The following RUNX1T1 variants were observed in gnomAD, a reference collection of about 807,000 sequenced individuals.
The protein encoded by RUNX1T1 is protein CBFA2T1.
In RUNX1T1, 4 loss-of-function variants were observed where a neutral mutation model predicts 62.8. The ratio of observed to expected loss-of-function variants is 0.06; its 90% CI spans 0.03 to 0.15. The LOEUF (loss-of-function observed/expected upper bound fraction) is 0.15. Among genes scored for constraint, RUNX1T1 ranks in the 10% least tolerant of loss-of-function variants. The pLI is 1.00. For synonymous variants in RUNX1T1, 291 were observed against 286.0 expected (o/e 1.02, Z -0.18); for missense variants, 508 against 754.3 (o/e 0.67, Z 3.82).
downstream of RUNX1T1, chr8:91,956,692 AC>A: frequency 8.9e-6 from 2 of 225,058 alleles, no homozygotes; most frequent in Non-Finnish European, 8.8e-6. Context: ...CCTAGACCCC[AC>A]CCCCCAGTGT....
chr8:92,013,079 T>C (rs1586995655), intron 3 of RUNX1T1, among the ~76,000 whole-genome samples: 1 of 151,720 alleles, frequency 6.6e-6, no homozygotes, highest in Non-Finnish European at 1.5e-5. Context: ...AAAAAAAAAA[T>C]TTTGCTAAGA....
At chr8:91,983,890 G>T (rs1815971549) in intron 8 of RUNX1T1, among the ~76,000 whole-genome samples, 1 of 152,054 alleles carries the variant, frequency 6.6e-6, no homozygotes, top group Non-Finnish European at 1.5e-5. Context: ...AGGATGCACA[G>T]TGAAAAAAAA....
chr8:91,963,673 G>A (rs1811006455), intron 10 of RUNX1T1, among the ~76,000 whole-genome samples: 1 of 152,200 alleles, frequency 6.6e-6, no homozygotes, highest in African/African-American at 2.4e-5. Flanking sequence ...TGTTCACAAA[G>A]GTGGAAATTG....
At chr8:91,968,222 TG>T (rs1812044653) in intron 10 of RUNX1T1, among the ~76,000 whole-genome samples, 1 of 152,032 alleles carries the variant, frequency 6.6e-6, no homozygotes. Context: ...CAGATGAACA[TG>T]GCCTTTAAGA....
At chr8:91,991,849 C>G (rs1817743752) in exon 6 of RUNX1T1, 1 of 1,613,998 alleles carries the variant, frequency 6.2e-7, no homozygotes, top group South Asian at 1.1e-5. Context: ...CTTGGATGTT[C>G]TGAGTGCAAA....
At chr8:91,993,255 CA>C (rs575852675) in intron 5 of RUNX1T1, among the ~76,000 whole-genome samples, 6 of 152,092 alleles carry the variant, frequency 3.9e-5, no homozygotes, top group Non-Finnish European at 8.8e-5. Context: ...ACTGAATCAA[CA>C]ACAGAGATAA....
At chr8:92,075,894 T>C in intron 2 of RUNX1T1, 71 bp downstream of exon 2, 3 of 1,344,734 alleles carry the variant, frequency 2.2e-6, no homozygotes, top group African/African-American at 1.5e-5. Flanking sequence ...TTATAATTTA[T>C]TGGAAAAAAT....
chr8:92,085,246 G>A (rs1436500159), intron 1 of RUNX1T1, among the ~76,000 whole-genome samples: 5 of 152,174 alleles, frequency 3.3e-5, no homozygotes, highest in African/African-American at 1.2e-4. Flanking sequence ...AGTCAACCTG[G>A]GCGACACAGG....
intron 1 of RUNX1T1, among the ~76,000 whole-genome samples, chr8:92,043,342 AAC>A (rs1426324214): frequency 6.6e-6 from 1 of 152,174 alleles, no homozygotes; most frequent in African/African-American, 2.4e-5. Flanking sequence ...CCAAAAATGA[AAC>A]AGAGTTCTTT....
intron 1 of RUNX1T1, among the ~76,000 whole-genome samples, chr8:92,044,561 C>T (rs571002687): frequency 3.3e-5 from 5 of 152,290 alleles, no homozygotes; most frequent in African/African-American, 1.2e-4. Flanking sequence ...TGTTCCATTG[C>T]GGGACTCTAT....
intron 1 of RUNX1T1, among the ~76,000 whole-genome samples, chr8:92,053,706 A>T (rs1830580716): frequency 6.6e-6 from 1 of 152,172 alleles, no homozygotes; most frequent in South Asian, 2.1e-4. Flanking sequence ...CCCCTTGTTA[A>T]TTAACATGCT....
At chr8:92,074,056 G>A (rs192822466) in intron 2 of RUNX1T1, among the ~76,000 whole-genome samples, 1 of 152,124 alleles carries the variant, frequency 6.6e-6, no homozygotes, top group East Asian at 1.9e-4. Flanking sequence ...TTACAAAATA[G>A]GTCAATACAA....
At chr8:91,983,237 A>G (rs1202393708) in intron 8 of RUNX1T1, among the ~76,000 whole-genome samples, 3 of 151,946 alleles carry the variant, frequency 2.0e-5, no homozygotes, top group African/African-American at 7.2e-5. Context: ...CCAGCCAGGA[A>G]AACTCTTAAA....
chr8:92,031,947 A>T (rs1826312199), intron 1 of RUNX1T1, among the ~76,000 whole-genome samples: 1 of 151,878 alleles, frequency 6.6e-6, no homozygotes, highest in African/African-American at 2.4e-5. Flanking sequence ...CAAAATAATT[A>T]GCCAGGCACG....
exon 5 of RUNX1T1, chr8:92,005,170 G>A: frequency 6.2e-7 from 1 of 1,613,904 alleles, no homozygotes; most frequent in Non-Finnish European, 8.5e-7. Context: ...CAGCTCTGAG[G>A]AGTCAACAGG....
At chr8:91,982,721 A>T (rs1314019841) in intron 8 of RUNX1T1, among the ~76,000 whole-genome samples, 7 of 152,186 alleles carry the variant, frequency 4.6e-5, no homozygotes, top group African/African-American at 1.7e-4. Context: ...CCTGGAAAGT[A>T]AATGAGTAAC....
At chr8:92,021,654 T>A (rs1278947317) in intron 1 of RUNX1T1, among the ~76,000 whole-genome samples, 1 of 152,016 alleles carries the variant, frequency 6.6e-6, no homozygotes, top group African/African-American at 2.4e-5. Flanking sequence ...CAGTCCCTCA[T>A]CAGAAAAAAA....
chr8:92,027,043 G>A (rs573046867), intron 1 of RUNX1T1, among the ~76,000 whole-genome samples: 4 of 149,914 alleles, frequency 2.7e-5, no homozygotes, highest in Admixed American at 2.0e-4. Context: ...GTGAACCCGG[G>A]AGGCGGAGCT....
intron 4 of RUNX1T1, 112 bp from the exon 6 acceptor site, chr8:92,005,409 G>T: frequency 1.1e-6 from 1 of 885,104 alleles, no homozygotes; most frequent in Non-Finnish European, 1.7e-6. Flanking sequence ...CTACATCAAA[G>T]GTCAAATGCA....
Sources: gnomAD v4.1 joint callset for allele counts (sites outside exome capture counted in the v4.1 genomes callset) on GRCh38, gnomAD v4.1.1 for gene constraint, MANE v1.5 for transcripts, NCBI Gene and HGNC (gene_info 2026-07-23, HGNC 2026-07-21) for gene names.